Variants in NTNG1 observed in about 807,000 individuals in gnomAD.
NTNG1 encodes netrin-G1.
In NTNG1, 16 loss-of-function variants were observed where a neutral mutation model predicts 54.0. The ratio of observed to expected loss-of-function variants is 0.30; its 90% confidence interval spans 0.20 to 0.45. NTNG1 has a LOEUF of 0.45. NTNG1 is among the 20% of genes least tolerant of loss of function. NTNG1 has a pLI of 1.00. For missense variants in NTNG1, 530 were observed against 678.7 expected (o/e 0.78, Z 2.43); for synonymous variants, 255 against 263.1 (o/e 0.97, Z 0.30).
chr1:107,446,994 A>G (rs187219393), intron 7 of NTNG1, among the ~76,000 whole-genome samples: 1 of 152,196 alleles, frequency 6.6e-6, no homozygotes, highest in East Asian at 1.9e-4. Context: ...TCATTTTTAA[A>G]CAGAAACAAT....
At chr1:107,212,215 T>C (rs1659643100) in intron 2 of NTNG1, among the ~76,000 whole-genome samples, 1 of 152,148 alleles carries the variant, frequency 6.6e-6, no homozygotes, top group Non-Finnish European at 1.5e-5. Flanking sequence ...GTTAAAAATC[T>C]TTAAATCTAT....
chr1:107,353,198 T>G (rs1359321470), intron 3 of NTNG1, among the ~76,000 whole-genome samples: 1 of 152,226 alleles, frequency 6.6e-6, no homozygotes, highest in Non-Finnish European at 1.5e-5. Context: ...CTGCAAAGTT[T>G]CCATACTTTT....
chr1:107,251,231 T>G (rs1662585075), intron 2 of NTNG1, among the ~76,000 whole-genome samples: 1 of 152,198 alleles, frequency 6.6e-6, no homozygotes, highest in South Asian at 2.1e-4. Flanking sequence ...TATATCCATA[T>G]CTTAATGAAA....
chr1:107,266,012 CTTTGCATTT>C (rs1663714689), intron 2 of NTNG1, among the ~76,000 whole-genome samples: 1 of 152,154 alleles, frequency 6.6e-6, no homozygotes, highest in African/African-American at 2.4e-5. Flanking sequence ...TTTGTGCTTT[CTTTGCATTT>C]TTTGGGCACA....
intron 2 of NTNG1, among the ~76,000 whole-genome samples, chr1:107,296,180 G>A (rs1665931500): frequency 6.6e-6 from 1 of 152,076 alleles, no homozygotes; most frequent in Non-Finnish European, 1.5e-5. Context: ...TATCAATCCT[G>A]CACCAATATT....
At chr1:107,326,169 A>C (rs1247056843) in intron 3 of NTNG1, among the ~76,000 whole-genome samples, 1 of 152,142 alleles carries the variant, frequency 6.6e-6, no homozygotes, top group Non-Finnish European at 1.5e-5. Context: ...GCTGTGGAAA[A>C]GCAGTAGAAA....
At chr1:107,305,107 G>T (rs915861636) in intron 2 of NTNG1, among the ~76,000 whole-genome samples, 7 of 152,134 alleles carry the variant, frequency 4.6e-5, no homozygotes, top group African/African-American at 1.4e-4. Context: ...TGGTGTGTAT[G>T]TGCCATATTT....
intron 5 of NTNG1, among the ~76,000 whole-genome samples, chr1:107,429,917 T>A: frequency 6.6e-6 from 1 of 152,154 alleles, no homozygotes; most frequent in East Asian, 1.9e-4. Context: ...TTCATCTCCC[T>A]GTCTAGTCAT....
chr1:107,298,962 T>C (rs1666152616), intron 2 of NTNG1, among the ~76,000 whole-genome samples: 1 of 152,196 alleles, frequency 6.6e-6, no homozygotes, highest in African/African-American at 2.4e-5. Flanking sequence ...AAGCACTTTG[T>C]GAAGAATGTT....
chr1:107,361,364 T>TATATATACAC (rs1214334134), intron 3 of NTNG1, among the ~76,000 whole-genome samples: 1 of 52,878 alleles, frequency 1.9e-5, no homozygotes, highest in African/African-American at 5.8e-5. Context: ...ATATAACATA[T>TATATATACAC]ATATATATAC....
Position 107,324,747 on chromosome 1 carries a change from C to T in NTNG1, c.712C>T (p.Arg238Cys). ...CGCGTTTTTTGCTGGACCTCGCCTACGCAATATGGCTTCCCTCTACGGACA... is the reference window on the plus strand; with the variant it reads ...CGCGTTTTTTGCTGGACCTCGCCTATGCAATATGGCTTCCCTCTACGGACA... ...RFAFFAGPRLRNMASLYGQLD... is the reference protein window; with the variant it reads ...RFAFFAGPRLCNMASLYGQLD... Residue 238 changes from arginine (R) to cysteine (C), a missense_variant, in exon 3 of 8, where the codon CGC (arginine) becomes TGC (cysteine). This residue lies in a region of NTNG1 where 318 missense variants were observed against 465.1 expected (regional missense o/e 0.68). Transcript: ENST00000370068. 1 of 1,613,638 alleles carries T rather than the reference C, an allele frequency of 6.2e-7. No individual in the cohort carries two copies. The highest frequency in any genetic ancestry group is 8.5e-7 in the Non-Finnish European group (1 of 1,179,800).
intron 2 of NTNG1, among the ~76,000 whole-genome samples, chr1:107,167,576 A>C (rs953202810): frequency 3.3e-5 from 5 of 151,970 alleles, no homozygotes; most frequent in Admixed American, 3.3e-4. Context: ...CATTTAAAAA[A>C]TGAGGAAACT....
intron 2 of NTNG1, among the ~76,000 whole-genome samples, chr1:107,232,590 G>C (rs535317537): frequency 3.9e-5 from 6 of 152,014 alleles, no homozygotes; most frequent in Non-Finnish European, 7.4e-5. Context: ...GACCTTAAAC[G>C]GTATATTTAT....
chr1:107,153,960 C>T (rs1211089534), intron 2 of NTNG1, among the ~76,000 whole-genome samples: 9 of 152,152 alleles, frequency 5.9e-5, no homozygotes, highest in Non-Finnish European at 1.5e-5. Flanking sequence ...AGATAGTGTG[C>T]GTAAGTGCTC....
At chr1:107,165,145 T>C (rs142877982) in intron 2 of NTNG1, among the ~76,000 whole-genome samples, 43 of 152,130 alleles carry the variant, frequency 2.8e-4, no homozygotes, top group Non-Finnish European at 4.7e-4. Context: ...TCAAAGCAGG[T>C]GACCAAGGGA....
intron 2 of NTNG1, 26 bp from the exon 3 acceptor site, chr1:107,324,256 C>A: frequency 6.2e-7 from 1 of 1,600,094 alleles, no homozygotes; most frequent in Non-Finnish European, 8.5e-7. Context: ...TGTTTTGATG[C>A]ACGCTCTTTT....
At chr1:107,240,418 A>G (rs1052219032) in intron 2 of NTNG1, among the ~76,000 whole-genome samples, 2 of 152,116 alleles carry the variant, frequency 1.3e-5, no homozygotes, top group African/African-American at 4.8e-5. Context: ...TTTGCACTCC[A>G]GAAGAGCCCA....
chr1:107,407,936 G>A, intron 5 of NTNG1: 2 of 714,380 alleles, frequency 2.8e-6, no homozygotes, highest in Middle Eastern at 2.4e-4. Flanking sequence ...TGACTTTTCT[G>A]ACTACTCTTA....
At chr1:107,447,606 A>T (rs1426870676) in intron 7 of NTNG1, among the ~76,000 whole-genome samples, 1 of 152,112 alleles carries the variant, frequency 6.6e-6, no homozygotes, top group Admixed American at 6.6e-5. Context: ...TAACAATTTT[A>T]ATAAAGACTG....
Sources: gnomAD v4.1 joint callset for allele counts (sites outside exome capture counted in the v4.1 genomes callset) on GRCh38, gnomAD v4.1.1 for gene constraint, gnomAD v4.1.1 regional missense constraint, MANE v1.5 for transcripts, NCBI Gene and HGNC (gene_info 2026-07-23, HGNC 2026-07-21) for gene names.